HPCAL1: variants seen among roughly 807,000 people sequenced by gnomAD.
HPCAL1 encodes the protein hippocalcin-like protein 1.
A neutral mutation model predicts 17.1 loss-of-function variants in HPCAL1; 8 were observed. The observed-to-expected ratio is 0.47, with a 90% CI of 0.27 to 0.84. The LOEUF is 0.84. Among genes scored for constraint, HPCAL1 ranks in the 40% least tolerant of loss-of-function variants. The probability of loss-of-function intolerance (pLI) is 0.13; values close to 1 mark genes in which losing one functional copy is unlikely to be tolerated. For synonymous variants in HPCAL1, 112 were observed against 111.4 expected (o/e 1.01, Z -0.03); for missense variants, 165 against 271.1 (o/e 0.61, Z 2.75).
intron 1 of HPCAL1, among the ~76,000 whole-genome samples, chr2:10,319,963 G>A (rs555855736): frequency 1.4e-4 from 21 of 152,094 alleles, no homozygotes; most frequent in South Asian, 4.2e-4. Flanking sequence ...TCTTCTTGGC[G>A]CAGTCATTTG....
At position 10,344,272 on chromosome 2, in the gene HPCAL1, G is replaced by A. The variant is rs1185558137; in HGVS notation, c.-111+41095G>A. ...TCACTTCGACCAGCGTCTGTGTGGG[G>A]TGTGCAGCAGCCCTGAGCCAAGGAT... On this transcript the variant is annotated intron_variant, in intron 1 of 4. Coordinates refer to ENST00000307845, the MANE Select transcript of HPCAL1 (RefSeq NM_002149.4). This position sits in a 1 kb window ranked among gnomAD's most constrained non-coding sequence, Gnocchi z 4.9. 6.6e-6 allele frequency among the ~76,000 whole-genome samples: 1 copy of A among 152,160 alleles called. No homozygotes were observed. Among genetic ancestry groups the A allele is most frequent in the Non-Finnish European group, 1.5e-5 (1 of 68,038 alleles).
intron 1 of HPCAL1, among the ~76,000 whole-genome samples, chr2:10,327,855 A>G (rs1433470436): frequency 1.1e-4 from 17 of 152,250 alleles, no homozygotes; most frequent in Admixed American, 1.0e-3. Flanking sequence ...TGGTAACATT[A>G]ATGACTTACT....
chr2:10,356,328 A>G (rs1272481665), intron 1 of HPCAL1, among the ~76,000 whole-genome samples: 1 of 152,114 alleles, frequency 6.6e-6, no homozygotes, highest in African/African-American at 2.4e-5. Context: ...GTGCCAAGGG[A>G]GTTCATAGTG....
rs982229187 is a variant in HPCAL1 at position 10,394,739 on chromosome 2, G to C, written c.-110-2096G>C. ...AGGCTGTGGCCGGGAGTGGTGTAAG[G>C]GGTGTGTGGGAACTTTCTGCTCAAT... On this transcript the variant is annotated intron_variant, in intron 1 of 4. Coordinates refer to ENST00000307845, the MANE Select transcript of HPCAL1 (RefSeq NM_002149.4). The surrounding 1 kb of genome is among the most constrained non-coding windows in gnomAD (Gnocchi z 5.0). Among the ~76,000 whole-genome samples, 12 of 152,136 alleles carry C rather than the reference G, an allele frequency of 7.9e-5. No individual in the cohort carries two copies. The highest frequency in any genetic ancestry group is 2.9e-4 in the African/African-American group (12 of 41,432).
At chr2:10,347,353 T>A (rs10189493) in intron 1 of HPCAL1, among the ~76,000 whole-genome samples, 119,688 of 152,076 alleles carry the variant, frequency 0.79, 47,642 homozygotes, top group East Asian at 0.98. Context: ...AAGGCCCATG[T>A]GCTGGGACTG....
chr2:10,397,500 G>A (rs918385824), intron 2 of HPCAL1, among the ~76,000 whole-genome samples: 4 of 152,042 alleles, frequency 2.6e-5, no homozygotes, highest in Admixed American at 1.3e-4. Context: ...GTCTGAATCC[G>A]CCACCCTGCA....
chr2:10,345,942 G>GCA (rs1160142805), intron 1 of HPCAL1, among the ~76,000 whole-genome samples: 1 of 152,216 alleles, frequency 6.6e-6, no homozygotes, highest in African/African-American at 2.4e-5. Context: ...AGTCACACAA[G>GCA]CACACAGATG....
chr2:10,333,111 C>T (rs1010182091), intron 1 of HPCAL1, among the ~76,000 whole-genome samples: 3 of 152,204 alleles, frequency 2.0e-5, no homozygotes, highest in African/African-American at 7.2e-5. Flanking sequence ...GACCTGCTGA[C>T]GATCTCTGCA....
At chr2:10,396,649 C>G (rs62130179) in intron 1 of HPCAL1, among the ~76,000 whole-genome samples, 186 bp from the exon 2 acceptor site, 2 of 152,310 alleles carry the variant, frequency 1.3e-5, no homozygotes, top group Admixed American at 1.3e-4. Flanking sequence ...GGTGCAGCGG[C>G]CTTGGGCATG....
chr2:10,373,409 C>A (rs1051039909), intron 1 of HPCAL1, among the ~76,000 whole-genome samples: 1 of 151,932 alleles, frequency 6.6e-6, no homozygotes, highest in Admixed American at 6.6e-5. Flanking sequence ...CACAGACGCC[C>A]GGAAGCATCG....
At chr2:10,398,272 C>T (rs1222953834) in intron 2 of HPCAL1, among the ~76,000 whole-genome samples, 24 of 152,232 alleles carry the variant, frequency 1.6e-4, no homozygotes. Context: ...GTGAGTTTGG[C>T]AGGGTCCTGT....
chr2:10,388,163 C>T lies in HPCAL1; in HGVS notation c.-110-8672C>T, dbSNP rs547397545. Among the ~76,000 whole-genome samples, 15 of 152,314 alleles carry T rather than the reference C, an allele frequency of 9.8e-5. No homozygotes were observed. The East Asian group carries it at 2.9e-3, about 29-fold the overall frequency. ...AGTTGGCGTGTCTCAGGGTAGGAGG[C>T]TCCCCAAATAGAAAGTACTGGATTG... On this transcript the variant is annotated intron_variant, in intron 1 of 4. Coordinates refer to ENST00000307845, the MANE Select transcript of HPCAL1 (RefSeq NM_002149.4).
At chr2:10,333,730 A>G (rs975802454) in intron 1 of HPCAL1, among the ~76,000 whole-genome samples, 3 of 152,190 alleles carry the variant, frequency 2.0e-5, no homozygotes, top group African/African-American at 4.8e-5. Context: ...AAATTCCCCC[A>G]TAACTACCCT....
intron 2 of HPCAL1, among the ~76,000 whole-genome samples, chr2:10,418,136 G>C (rs1670789775): frequency 6.6e-6 from 1 of 152,092 alleles, no homozygotes; most frequent in African/African-American, 2.4e-5. Flanking sequence ...CCTGGGATGG[G>C]CTGGGCGTGG....
At chr2:10,403,016 A>C (rs1418592985) in intron 2 of HPCAL1, among the ~76,000 whole-genome samples, 1 of 152,220 alleles carries the variant, frequency 6.6e-6, no homozygotes, top group East Asian at 1.9e-4. Context: ...CATAAATTCA[A>C]AATTTGGAAA....
intron 1 of HPCAL1, among the ~76,000 whole-genome samples, chr2:10,379,742 A>G (rs1232680999): frequency 6.6e-6 from 1 of 152,160 alleles, no homozygotes; most frequent in Non-Finnish European, 1.5e-5. Context: ...TGAGCTGAAA[A>G]TAAGATAAAA....
At chr2:10,337,281 G>A (rs766269349) in intron 1 of HPCAL1, among the ~76,000 whole-genome samples, 3 of 152,084 alleles carry the variant, frequency 2.0e-5, no homozygotes, top group Non-Finnish European at 4.4e-5. Flanking sequence ...TCGTGTCTTC[G>A]TGCCTCCTCA....
Position 10,394,529 on chromosome 2 carries a change from G to A in HPCAL1, c.-110-2306G>A, listed in dbSNP as rs1668888545. ...GCACAGAGGGGCTTTAGGGCAGCGA[G>A]CCCGCGCTATGTGATGCTGTAATGG... On this transcript the variant is annotated intron_variant, in intron 1 of 4. Transcript: ENST00000307845. This position sits in a 1 kb window ranked among gnomAD's most constrained non-coding sequence, Gnocchi z 5.0. 6.6e-6 allele frequency among the ~76,000 whole-genome samples: 1 copy of A among 152,234 alleles called. No homozygotes were observed. Among genetic ancestry groups the A allele is most frequent in the Admixed American group, 6.5e-5 (1 of 15,284 alleles).
chr2:10,394,758 G>A lies in HPCAL1; in HGVS notation c.-110-2077G>A, dbSNP rs1047572876. 4.6e-5 allele frequency among the ~76,000 whole-genome samples: 7 copies of A among 152,040 alleles called. No individual in the cohort carries two copies. The highest frequency in any genetic ancestry group is 1.5e-4 in the African/African-American group (6 of 41,378). Reference sequence around the variant, plus strand: ...TGTAAGGGGTGTGTGGGAACTTTCTGCTCAATTTTGTTGGGAAGACCTAAA... The same window carrying A: ...TGTAAGGGGTGTGTGGGAACTTTCTACTCAATTTTGTTGGGAAGACCTAAA... On this transcript the variant is annotated intron_variant, in intron 1 of 4. Coordinates refer to ENST00000307845, the MANE Select transcript of HPCAL1 (RefSeq NM_002149.4). The surrounding 1 kb of genome is among the most constrained non-coding windows in gnomAD (Gnocchi z 5.0).
Sources: allele counts gnomAD v4.1 joint callset (sites outside exome capture counted in the v4.1 genomes callset), GRCh38; gene constraint gnomAD v4.1.1; non-coding constraint Gnocchi (gnomAD v3.1); transcripts MANE v1.5; gene names NCBI Gene and HGNC (gene_info 2026-07-23, HGNC 2026-07-21).